The following CEACAM21 variants were observed in gnomAD, a reference collection of about 807,000 sequenced individuals.
CEACAM21 encodes the protein CEA cell adhesion molecule 21, also known as cell adhesion molecule CEACAM21.
Under a neutral mutation model 33.2 loss-of-function variants are expected in CEACAM21, and 38 were observed. That is an observed-to-expected ratio of 1.14 (90% CI 0.88 to 1.50). The LOEUF (loss-of-function observed/expected upper bound fraction) is 1.50. Among genes scored for constraint, CEACAM21 ranks in the 40% most tolerant of loss-of-function variants. The probability of loss-of-function intolerance (pLI) is 0.00; values close to 1 mark genes in which losing one functional copy is unlikely to be tolerated. For synonymous variants in CEACAM21, 156 were observed against 143.0 expected (o/e 1.09, Z -0.65); for missense variants, 385 against 364.6 (o/e 1.06, Z -0.46).
intron 3 of CEACAM21, among the ~76,000 whole-genome samples, chr19:41,581,007 C>G (rs2043335270): frequency 6.6e-6 from 1 of 152,214 alleles, no homozygotes; most frequent in African/African-American, 2.4e-5. Context: ...ACTTTAGAGT[C>G]ACATACCAGA....
intron 1 of CEACAM21, chr19:41,551,063 A>G (rs373691534): frequency 1.3e-5 from 2 of 152,106 alleles, no homozygotes; most frequent in South Asian, 2.1e-4. Flanking sequence ...TTTCATCTCT[A>G]GACCTTCACT....
At chr19:41,564,866 G>T (rs1351124246) in exon 2 of CEACAM21, 1 of 152,220 alleles carries the variant, frequency 6.6e-6, no homozygotes, top group African/African-American at 2.4e-5. Flanking sequence ...TATTCAGAGC[G>T]CTGGACAGAG....
At chr19:41,561,570 T>G (rs1555786832) in intron 1 of CEACAM21, among the ~76,000 whole-genome samples, 1 of 152,238 alleles carries the variant, frequency 6.6e-6, no homozygotes, top group African/African-American at 2.4e-5. Flanking sequence ...CAGTTGTCTT[T>G]TAGCTGGACA....
At chr19:41,560,021 A>C (rs2122172901) in intron 1 of CEACAM21, among the ~76,000 whole-genome samples, 1 of 152,198 alleles carries the variant, frequency 6.6e-6, no homozygotes, top group East Asian at 1.9e-4. Flanking sequence ...ACAAAACAAA[A>C]AGCATGAGTA....
intron 2 of CEACAM21, among the ~76,000 whole-genome samples, chr19:41,578,140 G>A (rs2043092222): frequency 6.6e-6 from 1 of 152,192 alleles, no homozygotes; most frequent in Admixed American, 6.5e-5. Flanking sequence ...TTTCACCTGA[G>A]AGTCAGAGTG....
intron 1 of CEACAM21, among the ~76,000 whole-genome samples, chr19:41,562,316 AAAAG>A (rs1379314113): frequency 6.6e-6 from 1 of 152,104 alleles, no homozygotes; most frequent in Non-Finnish European, 1.5e-5. Flanking sequence ...TAAGAAAAAA[AAAAG>A]AAGAAGAAGA....
chr19:41,555,617 G>A (rs1185349762), intron 1 of CEACAM21, among the ~76,000 whole-genome samples: 2 of 151,692 alleles, frequency 1.3e-5, no homozygotes, highest in African/African-American at 2.4e-5. Context: ...TTGAATCTGA[G>A]GTCTCTAAAA....
intron 3 of CEACAM21, among the ~76,000 whole-genome samples, chr19:41,583,933 C>T (rs1555794249): frequency 6.6e-6 from 1 of 152,180 alleles, no homozygotes; most frequent in Non-Finnish European, 1.5e-5. Context: ...TCCCACTGTG[C>T]CTTCCATGTG....
At chr19:41,565,107 G>A (rs917288137) in intron 2 of CEACAM21, 1 of 152,498 alleles carries the variant, frequency 6.6e-6, no homozygotes, top group Non-Finnish European at 1.5e-5. Context: ...CCCAAGCGCG[G>A]CTGGGAGGCC....
intron 2 of CEACAM21, among the ~76,000 whole-genome samples, chr19:41,565,335 G>T (rs377040665): frequency 1.4e-4 from 22 of 152,320 alleles, no homozygotes; most frequent in African/African-American, 5.0e-4. Context: ...CTGCCTTGGG[G>T]AAGGGGCGGG....
At chr19:41,575,680 T>A (rs2042892554), upstream of CEACAM21, among the ~76,000 whole-genome samples, 1 of 152,068 alleles carries the variant, frequency 6.6e-6, no homozygotes, top group African/African-American at 2.4e-5. Context: ...GAGCTGGGGA[T>A]CCTCCCGAGA....
chr19:41,556,326 G>A (rs1487843347), intron 1 of CEACAM21, among the ~76,000 whole-genome samples: 1 of 152,176 alleles, frequency 6.6e-6, no homozygotes, highest in Non-Finnish European at 1.5e-5. Flanking sequence ...GATTCAGGGG[G>A]TACATGTGCA....
intron 1 of CEACAM21, among the ~76,000 whole-genome samples, chr19:41,561,010 G>A (rs958586137): frequency 4.6e-5 from 7 of 152,028 alleles, no homozygotes; most frequent in Non-Finnish European, 7.4e-5. Flanking sequence ...TAACAAAGAA[G>A]AAACAATTAT....
chr19:41,567,826 C>T (rs1555788636), intron 2 of CEACAM21, among the ~76,000 whole-genome samples: 1 of 151,540 alleles, frequency 6.6e-6, no homozygotes, highest in African/African-American at 2.4e-5. Context: ...ATGGTGGGTC[C>T]CAGTTTTTTT....
chr19:41,586,274 G>A (rs2070730162), intron 6 of CEACAM21, 190 bp from the exon 7 acceptor site: 52 of 524,698 alleles, frequency 9.9e-5, no homozygotes, highest in South Asian at 9.2e-4. Flanking sequence ...ATCTGGCTGA[G>A]CTGAAGTTCA....
chr19:41,585,909 C>G (rs782798353), intron 6 of CEACAM21, 38 bp downstream of exon 6: 2 of 1,607,128 alleles, frequency 1.2e-6, no homozygotes, highest in Non-Finnish European at 1.7e-6. Flanking sequence ...TCCACTGGGG[C>G]CCCAGCTGTG....
At chr19:41,576,954 A>C (rs568080152) in intron 1 of CEACAM21, among the ~76,000 whole-genome samples, 88 of 152,286 alleles carry the variant, frequency 5.8e-4, no homozygotes, top group African/African-American at 2.0e-3. Flanking sequence ...CCCTTGTGTG[A>C]GTAGGAACTG....
At chr19:41,574,445 C>T (rs114041141), upstream of CEACAM21, among the ~76,000 whole-genome samples, 2,714 of 152,216 alleles carry the variant, frequency 0.018, 73 homozygotes, top group African/African-American at 0.061. Context: ...TCATGTACCC[C>T]ATAAGGGACT....
intron 2 of CEACAM21, among the ~76,000 whole-genome samples, chr19:41,578,404 A>G (rs1328217640): frequency 6.6e-6 from 1 of 151,866 alleles, no homozygotes; most frequent in Non-Finnish European, 1.5e-5. Flanking sequence ...TTTAATGTTA[A>G]TTTACAGAGA....
Sources: gnomAD v4.1 joint callset for allele counts (sites outside exome capture counted in the v4.1 genomes callset) on GRCh38, gnomAD v4.1.1 for gene constraint, MANE v1.5 for transcripts, NCBI Gene and HGNC (gene_info 2026-07-23, HGNC 2026-07-21) for gene names.